OSBPL7: variants seen among roughly 807,000 people sequenced by gnomAD.
OSBPL7 encodes oxysterol binding protein like 7.
In OSBPL7, 66 loss-of-function variants were observed where a neutral mutation model predicts 115.8. The ratio of observed to expected loss-of-function variants is 0.57; its 90% CI spans 0.47 to 0.70. OSBPL7 has a LOEUF of 0.70. Ranked by LOEUF, OSBPL7 falls within the 30% of genes least tolerant of loss-of-function variation. The pLI is 0.00. For missense variants in OSBPL7, 902 were observed against 1,125.5 expected, an observed-to-expected ratio of 0.80 and a Z score of 2.84; for synonymous variants, 441 against 439.2, an observed-to-expected ratio of 1.00 and a Z score of -0.05.
At chr17:47,818,207 C>A in intron 7 of OSBPL7, 62 bp downstream of exon 7, 1 of 1,407,916 alleles carries the variant, frequency 7.1e-7, no homozygotes, top group Admixed American at 2.0e-5. Flanking sequence ...GTAACATTTT[C>A]CCCTCCTAGA....
In OSBPL7 at chr17:47,816,278, G is replaced by A; in HGVS notation, c.1024-76C>T. On this transcript the variant is annotated intron_variant, in intron 11 of 22. Transcript: ENST00000007414. This position sits in a 1 kb window ranked among gnomAD's most constrained non-coding sequence, Gnocchi z 5.8. Reference sequence around the variant, plus strand: ...ACCTTGCCGCATCTCTGCAGAGACTGCCTCTGCCAACCCCCCACCCTGACC... The same window carrying A: ...ACCTTGCCGCATCTCTGCAGAGACTACCTCTGCCAACCCCCCACCCTGACC... 1 of 1,496,804 alleles carries A rather than the reference G, an allele frequency of 6.7e-7. No homozygotes were observed. Among genetic ancestry groups the A allele is most frequent in the Non-Finnish European group, 9.0e-7 (1 of 1,108,516 alleles). 92.7% of individuals were successfully genotyped at this position (1,496,804 alleles called of 1,614,324 possible). A position where few individuals can be genotyped will look rare whatever the true frequency, so the allele number is the denominator to read the frequency against.
chr17:47,815,493 A>C (rs2010952), intron 12 of OSBPL7, 141 bp from the exon 13 acceptor site: 141,755 of 1,082,830 alleles, frequency 0.13, 10,052 homozygotes, highest in South Asian at 0.22. Flanking sequence ...TGAGCAGAAG[A>C]GGCAGAGAGG....
intron 13 of OSBPL7, 77 bp downstream of exon 13, chr17:47,815,138 G>T: frequency 6.5e-7 from 1 of 1,527,938 alleles, no homozygotes. Context: ...AGGAATCTAT[G>T]GTCTCTGTGG....
chr17:47,809,316 T>G lies in OSBPL7; in HGVS notation c.2025+18A>C, dbSNP rs1158438729. ...GGCTGCCGGGGATGGATGGGCAGGG[T>G]CAGGGTGGCACACACACCTTGCAGA... On this transcript the variant is annotated intron_variant, in intron 19 of 22. Coordinates refer to ENST00000007414, the MANE Select transcript of OSBPL7 (RefSeq NM_145798.3). 1.2e-6 allele frequency: 2 copies of G among 1,613,156 alleles called. No individual in the cohort carries two copies. Among genetic ancestry groups the G allele is most frequent in the Non-Finnish European group, 8.5e-7 (1 of 1,179,312 alleles).
Position 47,819,008 on chromosome 17 carries a change from T to C in OSBPL7, c.347A>G (p.Glu116Gly). The C allele has an allele frequency of 2.5e-6, 4 of 1,614,114 alleles. No individual in the cohort carries two copies. The highest frequency in any genetic ancestry group is 3.4e-6 in the Non-Finnish European group (4 of 1,179,970). Reference protein sequence around the residue: ...KKAQRIDLDTEDNIYHLKIKS... With the variant: ...KKAQRIDLDTGDNIYHLKIKS... ...CACCTTGAGGTGGTAGATGTTGTCT[T>C]CAGTGTCAAGGTCAATGCGCTGGGC... The change falls in exon 5 of 23, where the codon GAA becomes GGA. Residue 116 changes from glutamate to glycine, a missense_variant. Transcript: ENST00000007414.
chr17:47,814,479 A>ACCCCCCCCCCCCCCCCCCC, intron 14 of OSBPL7, 42 bp downstream of exon 14: 1 of 1,086,688 alleles, frequency 9.2e-7, no homozygotes, highest in South Asian at 1.2e-5. Flanking sequence ...CTGTTTTTCC[A>ACCCCCCCCCCCCCCCCCCC]CCCGCCTCCC....
At position 47,820,213 on chromosome 17, in the gene OSBPL7, A is replaced by G. The variant is rs1463774953; in HGVS notation, c.66T>C (p.Ser22=). ...PESAQSSKPS[S]AQQASELWEV... is the part of the protein sequence containing the mutation. ...TTTCCCACTCTCTGACCTGCTGAGC[A>G]CTGCTGGGCTTTGAGGACTGAGCGC... The change falls in exon 2 of 23, where the codon AGT becomes AGC. Residue 22 remains serine (S), a synonymous_variant. Coordinates refer to ENST00000007414, the MANE Select transcript of OSBPL7 (RefSeq NM_145798.3). The G allele has an allele frequency of 1.9e-6, 3 of 1,613,950 alleles. No individual in the cohort carries two copies. Among genetic ancestry groups the G allele is most frequent in the Non-Finnish European group, 2.5e-6 (3 of 1,179,958 alleles).
At position 47,809,371 on chromosome 17, in the gene OSBPL7, T is replaced by C. The variant is rs2032963174; in HGVS notation, c.1988A>G (p.Gln663Arg). 1.9e-6 allele frequency: 3 copies of C among 1,614,058 alleles called. No homozygotes were observed. The highest frequency in any genetic ancestry group is 1.7e-6 in the Non-Finnish European group (2 of 1,180,018). ...HYGEVLIRNT[Q>R]DSSCHCKITF... ...GATCTTGCAGTGGCAGGAGCTGTCC[T>C]GTGTGTTTCGGATGAGCACCTCCCC... is the stretch of plus-strand genomic sequence containing the variant. The change falls in exon 19 of 23, where the codon CAG (glutamine) becomes CGG (arginine). Residue 663 changes from glutamine (Q) to arginine (R), a missense_variant. By Grantham distance (43) the Gln-to-Arg change is conservative. Transcript: ENST00000007414.
chr17:47,819,145 T>C (rs777991249), intron 4 of OSBPL7, 46 bp from the exon 5 acceptor site: 24 of 1,531,056 alleles, frequency 1.6e-5, no homozygotes, highest in Non-Finnish European at 2.0e-5. Flanking sequence ...TGTTTTAGGC[T>C]CTCAGAGCCA....
Position 47,808,431 on chromosome 17 carries a change from G to C in OSBPL7, c.2421-32C>G. ...GGAGAAGGCGGTGGCAGTGAGGGGT[G>C]AACATCTAGAAGGCAGGCTAGGGTC... On this transcript the variant is annotated intron_variant, in intron 22 of 22. Coordinates refer to ENST00000007414, the MANE Select transcript of OSBPL7 (RefSeq NM_145798.3). The surrounding 1 kb of genome is among the most constrained non-coding windows in gnomAD (Gnocchi z 6.1). The C allele has an allele frequency of 6.2e-7, 1 of 1,613,796 alleles. No individual in the cohort carries two copies. Among genetic ancestry groups the C allele is most frequent in the Non-Finnish European group, 8.5e-7 (1 of 1,179,686 alleles).
chr17:47,813,726 A>C lies in OSBPL7; in HGVS notation c.1460T>G (p.Ile487Ser). The change falls in exon 15 of 23, where the codon ATC becomes AGC. Residue 487 changes from isoleucine (I) to serine (S), a missense_variant. Transcript: ENST00000007414. Reference protein sequence around the residue: ...VSLWNILRNNIGKDLSKVSMP... With the variant: ...VSLWNILRNNSGKDLSKVSMP... ...TGACACCTTGGACAGGTCTTTGCCG[A>C]TGTTGTTGCGCAGAATGTTCCACAG... The C allele has an allele frequency of 6.2e-7, 1 of 1,613,324 alleles. No individual in the cohort carries two copies. The highest frequency in any genetic ancestry group is 8.5e-7 in the Non-Finnish European group (1 of 1,179,934).
At chr17:47,811,491 A>C (rs372412828) in intron 16 of OSBPL7, among the ~76,000 whole-genome samples, 58 of 152,280 alleles carry the variant, frequency 3.8e-4, no homozygotes, top group African/African-American at 1.4e-3. Context: ...AAATGCCAGC[A>C]CCGGCCTCCT....
At position 47,811,999 on chromosome 17, in the gene OSBPL7, T is replaced by C. The variant is rs2033057859; in HGVS notation, c.1738-1164A>G. 3.3e-5 allele frequency among the ~76,000 whole-genome samples: 5 copies of C among 152,200 alleles called. No homozygotes were observed. The South Asian group carries it at 1.0e-3, about 31-fold the overall frequency. On this transcript the variant is annotated intron_variant, in intron 16 of 22. Transcript: ENST00000007414. ...TTTTCTGTTGTACGCACGAGTGTAC[T>C]GTGTCAATCTTCACCATGTTTCCAA...
At chr17:47,815,834 C>T in intron 12 of OSBPL7, 3 of 391,540 alleles carry the variant, frequency 7.7e-6, no homozygotes, top group South Asian at 8.7e-5. Context: ...CCTGAGCCCA[C>T]CCATTAGATC....
Position 47,816,161 on chromosome 17 carries a change from CA to C in OSBPL7, c.1064del (p.Leu355ArgfsTer25). 6.4e-7 allele frequency: 1 copy of C among 1,551,056 alleles called. No individual in the cohort carries two copies. The highest frequency in any genetic ancestry group is 8.7e-7 in the Non-Finnish European group (1 of 1,147,012). Reference sequence around the variant, plus strand: ...CCGCCGTGGTGTCGGAGGAGGTGGACAGTGAGTGGAGGCGCCTCTGGCCAGT... The same window carrying C: ...CCGCCGTGGTGTCGGAGGAGGTGGACGTGAGTGGAGGCGCCTCTGGCCAGT... ...ASTGQRRLHS[L>X]STSSDTTADS... On this transcript the variant is annotated frameshift_variant, in exon 12 of 23. Transcript: ENST00000007414. LOFTEE classifies it high-confidence loss of function. The surrounding 1 kb of genome is among the most constrained non-coding windows in gnomAD (Gnocchi z 5.8).
intron 18 of OSBPL7, among the ~76,000 whole-genome samples, chr17:47,809,783 T>G (rs988653835): frequency 2.0e-5 from 3 of 152,248 alleles, no homozygotes; most frequent in African/African-American, 7.2e-5. Flanking sequence ...TCCGTTATCC[T>G]GCTTAATCCT....
At position 47,820,384 on chromosome 17, in the gene OSBPL7, C is replaced by T; in HGVS notation, c.-87-19G>A. 1 of 1,121,070 alleles carries T rather than the reference C, an allele frequency of 8.9e-7. No individual in the cohort carries two copies. Among genetic ancestry groups the T allele is most frequent in the East Asian group, 2.5e-5 (1 of 39,430 alleles). The allele number at this position is 1,121,070 out of a possible 1,614,324, so 69.4% of individuals were successfully genotyped here. On this transcript the variant is annotated intron_variant, in intron 1 of 22. Coordinates refer to ENST00000007414, the MANE Select transcript of OSBPL7 (RefSeq NM_145798.3). ...CGGGGTCCTTGAAGCAAGAGAAAGA[C>T]CCCCTTAACGCAAACTCTGCTATCA...
Position 47,810,602 on chromosome 17 carries a change from G to A in OSBPL7, c.1872C>T (p.Ser624=). ...GAGTCTAAGAATCCCACCTGGGCAGGCTGACGTTGACTGTTCCCACAGGCA... is the reference window on the plus strand; with the variant it reads ...GAGTCTAAGAATCCCACCTGGGCAGACTGACGTTGACTGTTCCCACAGGCA... ...EIVPVGTVNV[S]LPRFGDHFEW... Residue 624 remains serine, a synonymous_variant, in exon 18 of 23, where the codon AGC becomes AGT. Coordinates refer to ENST00000007414, the MANE Select transcript of OSBPL7 (RefSeq NM_145798.3). 6.2e-7 allele frequency: 1 copy of A among 1,613,954 alleles called. No individual in the cohort carries two copies. The highest frequency in any genetic ancestry group is 8.5e-7 in the Non-Finnish European group (1 of 1,179,834).
chr17:47,819,861 G>A, intron 3 of OSBPL7, 79 bp from the exon 4 acceptor site: 1 of 1,609,410 alleles, frequency 6.2e-7, no homozygotes, highest in South Asian at 1.1e-5. Context: ...ACACAAATTA[G>A]CTTTTCTTTT....
Sources: allele counts gnomAD v4.1 joint callset (sites outside exome capture counted in the v4.1 genomes callset), GRCh38; gene constraint gnomAD v4.1.1; non-coding constraint Gnocchi (gnomAD v3.1); transcripts MANE v1.5; gene names NCBI Gene and HGNC (gene_info 2026-07-23, HGNC 2026-07-21).